Variants in SLCO3A1 observed in about 807,000 individuals in gnomAD.
SLCO3A1 encodes the protein PGE1 transporter.
SLCO3A1 carries 27 observed loss-of-function variants against 63.1 expected under a neutral mutation model. The ratio of observed to expected loss-of-function variants is 0.43; its 90% CI spans 0.32 to 0.59. The LOEUF (loss-of-function observed/expected upper bound fraction) is 0.59, where lower values mean the gene tolerates loss of function less well. SLCO3A1 is among the 20% of genes least tolerant of loss of function. SLCO3A1 has a pLI of 0.09. For synonymous variants in SLCO3A1, 473 were observed against 409.9 expected (o/e 1.15, Z -1.86); for missense variants, 773 against 945.8 (o/e 0.82, Z 2.40).
intron 2 of SLCO3A1, among the ~76,000 whole-genome samples, chr15:92,055,081 A>G (rs1555428496): frequency 3.9e-5 from 6 of 152,156 alleles, no homozygotes; most frequent in Non-Finnish European, 2.9e-5. Context: ...GTGTAAAAGC[A>G]TTCCTATTCC....
intron 5 of SLCO3A1, among the ~76,000 whole-genome samples, chr15:92,124,297 G>A (rs1171530055): frequency 2.0e-5 from 3 of 152,168 alleles, no homozygotes; most frequent in Non-Finnish European, 2.9e-5. Flanking sequence ...TCTGATCACC[G>A]CCTGGAGTGT....
intron 1 of SLCO3A1, among the ~76,000 whole-genome samples, chr15:91,915,056 CCAT>C (rs1247058797): frequency 6.6e-6 from 1 of 152,164 alleles, no homozygotes; most frequent in Non-Finnish European, 1.5e-5. Flanking sequence ...CAGAGGGTAG[CCAT>C]CTCATTTTCT....
chr15:92,163,327 G>A lies in SLCO3A1; in HGVS notation c.*192G>A, dbSNP rs1466864199. ...AGCCAGACAGGATTCAGAATAAGGA[G>A]AGAATGACATCGTGCGGCAGGGTCC... is the stretch of plus-strand genomic sequence containing the variant. On this transcript the variant is annotated 3_prime_UTR_variant, in exon 10 of 10. Transcript: ENST00000318445. 8.0e-7 allele frequency: 1 copy of A among 1,246,616 alleles called. No homozygotes were observed. Among genetic ancestry groups the A allele is most frequent in the Non-Finnish European group, 1.0e-6 (1 of 997,686 alleles). The allele number at this position is 1,246,616 out of a possible 1,614,324, so 77.2% of individuals were successfully genotyped here. A position where few individuals can be genotyped will look rare whatever the true frequency, so the allele number is the denominator to read the frequency against.
intron 2 of SLCO3A1, among the ~76,000 whole-genome samples, chr15:92,043,956 TATTCTGC>T (rs2046829189): frequency 6.6e-6 from 1 of 152,152 alleles, no homozygotes; most frequent in African/African-American, 2.4e-5. Context: ...CTTTCCAACA[TATTCTGC>T]ATGCTTCTGT....
intron 6 of SLCO3A1, among the ~76,000 whole-genome samples, chr15:92,127,111 G>A (rs1567133825): frequency 6.6e-6 from 1 of 152,242 alleles, no homozygotes; most frequent in African/African-American, 2.4e-5. Flanking sequence ...CTGTATGTCT[G>A]TGTACAATCC....
At position 91,984,288 on chromosome 15, in the gene SLCO3A1, A is replaced by G. The variant is rs2046023296; in HGVS notation, c.646+67830A>G. ...AAGGTTTGAAGGGAGATAAAGTTAA[A>G]TTTAACCTCCCACTTCAGCTATTTT... On this transcript the variant is annotated intron_variant, in intron 2 of 9. Coordinates refer to ENST00000318445, the MANE Select transcript of SLCO3A1 (RefSeq NM_013272.4). Among the ~76,000 whole-genome samples, 3 of 152,208 alleles carry G rather than the reference A, an allele frequency of 2.0e-5. No homozygotes were observed. In the South Asian group the frequency reaches 6.2e-4, roughly 31 times the overall value.
intron 3 of SLCO3A1, among the ~76,000 whole-genome samples, chr15:92,100,267 G>A (rs927009714): frequency 1.3e-5 from 2 of 152,038 alleles, no homozygotes; most frequent in Non-Finnish European, 2.9e-5. Flanking sequence ...ACTTCCCTCC[G>A]AATGAAATGG....
chr15:92,057,000 C>T (rs757357682), intron 2 of SLCO3A1, among the ~76,000 whole-genome samples: 1 of 152,266 alleles, frequency 6.6e-6, no homozygotes, highest in African/African-American at 2.4e-5. Context: ...AAAATACATT[C>T]CCAAACATCT....
At chr15:92,110,710 C>T (rs2151551727) in intron 4 of SLCO3A1, among the ~76,000 whole-genome samples, 1 of 131,768 alleles carries the variant, frequency 7.6e-6, no homozygotes, top group East Asian at 2.6e-4. Context: ...CTGTACGCTT[C>T]ATGAAGGCAG....
rs1361305084 is a variant in SLCO3A1, at chr15:91,865,933, T to C, written c.180+11845T>C. Reference sequence around the variant, plus strand: ...ACAAAGAAAACAAAGGCAAACTCTGTCTTCTTAAGTGTTTGGGTGAGGTAG... The same window carrying C: ...ACAAAGAAAACAAAGGCAAACTCTGCCTTCTTAAGTGTTTGGGTGAGGTAG... On this transcript the variant is annotated intron_variant, in intron 1 of 9. Coordinates refer to ENST00000318445, the MANE Select transcript of SLCO3A1 (RefSeq NM_013272.4). The surrounding 1 kb of genome is among the most constrained non-coding windows in gnomAD (Gnocchi z 4.6). Among the ~76,000 whole-genome samples the C allele has an allele frequency of 2.6e-5, 4 of 152,218 alleles. No homozygotes were observed. Among genetic ancestry groups the C allele is most frequent in the African/African-American group, 9.6e-5 (4 of 41,458 alleles).
chr15:92,131,500 G>A lies in SLCO3A1; in HGVS notation c.1512+3011G>A, dbSNP rs1294707252. ...CTGCCTCAGCCTCCCAAGTAGCTGG[G>A]ATTATAGGCAAACACCACCACACCC... is the stretch of plus-strand genomic sequence containing the variant. On this transcript the variant is annotated intron_variant, in intron 7 of 9. Transcript: ENST00000318445. Among the ~76,000 whole-genome samples, 2 of 143,472 alleles carry A rather than the reference G, an allele frequency of 1.4e-5. 1 individual carries two copies. Among genetic ancestry groups the A allele is most frequent in the Non-Finnish European group, 3.1e-5 (2 of 64,366 alleles). 94.1% of individuals were successfully genotyped at this position (143,472 alleles called of 152,430 possible).
At chr15:92,113,495 C>T (rs750841267) in intron 4 of SLCO3A1, among the ~76,000 whole-genome samples, 8 of 152,160 alleles carry the variant, frequency 5.3e-5, no homozygotes, top group Non-Finnish European at 1.2e-4. Flanking sequence ...CCACAAGGTG[C>T]AAAGGAAGCA....
Position 91,968,754 on chromosome 15 carries a change from C to A in SLCO3A1, c.646+52296C>A, listed in dbSNP as rs945669176. ...GCCGCAGTATTTACGGCACTCACGA[C>A]GTGTCCAGCTTCTTTGTGCGCTCAC... On this transcript the variant is annotated intron_variant, in intron 2 of 9. Transcript: ENST00000318445. This position sits in a 1 kb window ranked among gnomAD's most constrained non-coding sequence, Gnocchi z 4.2. 6.6e-6 allele frequency among the ~76,000 whole-genome samples: 1 copy of A among 152,234 alleles called. No individual in the cohort carries two copies. The highest frequency in any genetic ancestry group is 1.5e-5 in the Non-Finnish European group (1 of 68,046).
intron 1 of SLCO3A1, 129 bp from the exon 2 acceptor site, chr15:91,915,864 G>A (rs1597116837): frequency 1.4e-6 from 1 of 733,126 alleles, no homozygotes; most frequent in South Asian, 1.6e-5. Context: ...CTGCCTTTTT[G>A]CACCTGGCAC....
rs1281341560 is a variant in SLCO3A1, at chr15:91,926,600, C to CGCGCGCGCGT, written c.646+10148_646+10149insGCGTGCGCGC. On this transcript the variant is annotated intron_variant, in intron 2 of 9. Coordinates refer to ENST00000318445, the MANE Select transcript of SLCO3A1 (RefSeq NM_013272.4). ...GTGTGTGTGTGTGTGTGTGTGTGCG[C>CGCGCGCGCGT]GCGCGCACGCCCATGCTTATTTTAA... 3.7e-3 allele frequency among the ~76,000 whole-genome samples: 100 copies of CGCGCGCGCGT among 26,800 alleles called. 1 individual carries two copies. The highest frequency in any genetic ancestry group is 0.02 in the African/African-American group (99 of 5,054). The allele number at this position is 26,800 out of a possible 152,430, so 17.6% of individuals were successfully genotyped here. A position where few individuals can be genotyped will look rare whatever the true frequency, so the allele number is the denominator to read the frequency against.
chr15:91,945,764 T>G (rs933726633), intron 2 of SLCO3A1, among the ~76,000 whole-genome samples: 1 of 152,196 alleles, frequency 6.6e-6, no homozygotes, highest in Non-Finnish European at 1.5e-5. Flanking sequence ...GACTGGCTAC[T>G]GTGCTAATGG....
rs570703159 is a variant in SLCO3A1, at chr15:91,952,636, G to C, written c.646+36178G>C. Among the ~76,000 whole-genome samples the C allele has an allele frequency of 3.3e-5, 5 of 152,310 alleles. No homozygotes were observed. The South Asian group carries it at 1.0e-3, about 32-fold the overall frequency. On this transcript the variant is annotated intron_variant, in intron 2 of 9. Coordinates refer to ENST00000318445, the MANE Select transcript of SLCO3A1 (RefSeq NM_013272.4). ...GCTATGATGTTCAAGATCAATGAAA[G>C]ACTGGAGTGCAGATCAGGGATTGCA...
intron 1 of SLCO3A1, among the ~76,000 whole-genome samples, chr15:91,914,482 T>C (rs1898586053): frequency 6.6e-6 from 1 of 152,118 alleles, no homozygotes. Flanking sequence ...TCTACCTAAT[T>C]GCTCGGGATT....
chr15:91,907,354 C>CTGTAT (rs1898342538), intron 1 of SLCO3A1, among the ~76,000 whole-genome samples: 1 of 149,536 alleles, frequency 6.7e-6, no homozygotes, highest in Admixed American at 6.6e-5. Context: ...TACAGGCACC[C>CTGTAT]GCCACCAAGC....
Sources: allele counts gnomAD v4.1 joint callset (sites outside exome capture counted in the v4.1 genomes callset), GRCh38; gene constraint gnomAD v4.1.1; non-coding constraint Gnocchi (gnomAD v3.1); transcripts MANE v1.5; gene names NCBI Gene and HGNC (gene_info 2026-07-23, HGNC 2026-07-21).